OSBPL10: variants seen among roughly 807,000 people sequenced by gnomAD.
OSBPL10 encodes the protein oxysterol-binding protein-related protein 10.
Under a neutral mutation model 81.7 loss-of-function variants are expected in OSBPL10, and 49 were observed. The ratio of observed to expected loss-of-function variants is 0.60; its 90% CI spans 0.48 to 0.76. The LOEUF is 0.76. Among genes scored for constraint, OSBPL10 ranks in the 30% least tolerant of loss-of-function variants. The pLI, the probability that OSBPL10 is intolerant of heterozygous loss-of-function variation, is 0.00. For synonymous variants in OSBPL10, 419 were observed against 383.6 expected, an observed-to-expected ratio of 1.09 and a Z score of -1.08; for missense variants, 923 against 987.8, an observed-to-expected ratio of 0.93 and a Z score of 0.88.
At chr3:31,872,621 GC>G (rs1701359163) in intron 3 of OSBPL10, among the ~76,000 whole-genome samples, 1 of 132,438 alleles carries the variant, frequency 7.6e-6, no homozygotes, top group South Asian at 2.2e-4. Flanking sequence ...AAATTCAAAA[GC>G]TTTTTTTTTT....
chr3:31,748,202 G>T, intron 4 of OSBPL10, 82 bp from the exon 5 acceptor site: 1 of 1,284,438 alleles, frequency 7.8e-7, no homozygotes, highest in Non-Finnish European at 1.1e-6. Context: ...AACCACAGAA[G>T]TGGGTAAAAC....
At chr3:31,708,516 G>A (rs1203206495) in intron 6 of OSBPL10, among the ~76,000 whole-genome samples, 1 of 152,146 alleles carries the variant, frequency 6.6e-6, no homozygotes, top group African/African-American at 2.4e-5. Context: ...GCATAGCCCA[G>A]GGTATATAAA....
chr3:31,778,454 A>G (rs1038971004), intron 4 of OSBPL10, among the ~76,000 whole-genome samples: 2 of 152,188 alleles, frequency 1.3e-5, no homozygotes, highest in Non-Finnish European at 2.9e-5. Flanking sequence ...GAAGAAGTAG[A>G]GGAACTTCAG....
At chr3:32,073,780 T>C (rs914276303) in intron 1 of OSBPL10, among the ~76,000 whole-genome samples, 10 of 152,098 alleles carry the variant, frequency 6.6e-5, no homozygotes, top group Admixed American at 5.2e-4. Flanking sequence ...CCGGTTTACA[T>C]TGTTTCTCCA....
At chr3:31,817,863 A>G (rs9881919) in intron 4 of OSBPL10, among the ~76,000 whole-genome samples, 105,088 of 152,102 alleles carry the variant, frequency 0.69, 36,847 homozygotes, top group East Asian at 0.93. Context: ...CCAACACTTT[A>G]GGAGGCCAAG....
rs181458780 is a variant in OSBPL10 at position 31,826,826 on chromosome 3, A to G, written c.729+3214T>C. Among the ~76,000 whole-genome samples the G allele has an allele frequency of 3.3e-5, 5 of 152,304 alleles. No individual in the cohort carries two copies. In the East Asian group the frequency reaches 9.7e-4, roughly 29 times the overall value. ...ATCACAAAATGACAAATTCCAAAGAACAGCTACTCATCTCCCATCAGGAGT... is the reference window on the plus strand; with the variant it reads ...ATCACAAAATGACAAATTCCAAAGAGCAGCTACTCATCTCCCATCAGGAGT... On this transcript the variant is annotated intron_variant, in intron 4 of 11. Coordinates refer to ENST00000396556, the MANE Select transcript of OSBPL10 (RefSeq NM_017784.5).
rs534805336 is a variant in OSBPL10, at chr3:31,857,855, A to G, written c.537+18578T>C. 1.3e-4 allele frequency among the ~76,000 whole-genome samples: 11 copies of G among 83,864 alleles called. No homozygotes were observed. The South Asian group carries it at 2.9e-3, about 22-fold the overall frequency. 55.0% of individuals were successfully genotyped at this position (83,864 alleles called of 152,430 possible). The stretch of plus-strand genomic sequence containing the variant: ...GGGAGAGGGAAAGAGGGAGGGAAAG[A>G]AGGAGGGAGAGGGAGAGGGAAAGGG... On this transcript the variant is annotated intron_variant, in intron 3 of 11. Coordinates refer to ENST00000396556, the MANE Select transcript of OSBPL10 (RefSeq NM_017784.5).
intron 2 of OSBPL10, among the ~76,000 whole-genome samples, chr3:31,993,644 A>ATACT (rs1310999317): frequency 6.6e-6 from 1 of 151,826 alleles, no homozygotes; most frequent in East Asian, 1.9e-4. Flanking sequence ...CTACAATGAG[A>ATACT]TACTACTACA....
intron 2 of OSBPL10, among the ~76,000 whole-genome samples, chr3:31,988,149 A>C (rs1424218435): frequency 6.6e-6 from 1 of 152,208 alleles, no homozygotes; most frequent in African/African-American, 2.4e-5. Context: ...TTTGAACAAG[A>C]ATATCTGGAG....
chr3:32,073,690 A>T (rs192892868), intron 1 of OSBPL10, among the ~76,000 whole-genome samples: 1 of 152,140 alleles, frequency 6.6e-6, no homozygotes, highest in East Asian at 1.9e-4. Context: ...AAAACTTGTC[A>T]TCCCTTCTAT....
chr3:31,844,533 A>C (rs547698907), intron 3 of OSBPL10, among the ~76,000 whole-genome samples: 1 of 152,344 alleles, frequency 6.6e-6, no homozygotes, highest in African/African-American at 2.4e-5. Flanking sequence ...TATGATAAAG[A>C]ATAAGATGTC....
rs925653154 is a variant in OSBPL10, at chr3:31,957,060, G to A, written c.281+23839C>T. Reference sequence around the variant, plus strand: ...TGAAGTGGGAGGATCACCTGAGCCCGGGAGGCAGAGGGTGCAGTGGGCCAA... The same window carrying A: ...TGAAGTGGGAGGATCACCTGAGCCCAGGAGGCAGAGGGTGCAGTGGGCCAA... On this transcript the variant is annotated intron_variant, in intron 1 of 11. Coordinates refer to ENST00000396556, the MANE Select transcript of OSBPL10 (RefSeq NM_017784.5). Among the ~76,000 whole-genome samples, 137 of 152,242 alleles carry A rather than the reference G, an allele frequency of 9.0e-4. 1 individual carries two copies. Among genetic ancestry groups the A allele is most frequent in the African/African-American group, 2.8e-3 (117 of 41,528 alleles).
intron 3 of OSBPL10, among the ~76,000 whole-genome samples, chr3:31,832,549 CAA>C (rs1044857736): frequency 1.6e-4 from 25 of 152,210 alleles, no homozygotes; most frequent in African/African-American, 5.8e-4. Flanking sequence ...AGGAAGAAAA[CAA>C]AATGTATGAG....
intron 4 of OSBPL10, among the ~76,000 whole-genome samples, chr3:31,770,718 G>A (rs372604751): frequency 4.6e-5 from 7 of 152,088 alleles, no homozygotes; most frequent in African/African-American, 9.7e-5. Context: ...CCCAGGAGGC[G>A]GAGGTTGCGG....
chr3:31,783,823 AATATATATATAT>A (rs60886858), intron 4 of OSBPL10, among the ~76,000 whole-genome samples: 282 of 16,680 alleles, frequency 0.017, 10 homozygotes, highest in Middle Eastern at 0.071. Context: ...AAAAAAAAAA[AATATATATATAT>A]ATATATATAT....
intron 7 of OSBPL10, among the ~76,000 whole-genome samples, chr3:31,698,484 A>T (rs1037494954): frequency 5.4e-5 from 5 of 92,284 alleles, no homozygotes; most frequent in African/African-American, 1.7e-4. Flanking sequence ...CAAAAATACA[A>T]GTAAGGCCAC....
At chr3:31,904,299 G>A (rs187568528) in intron 1 of OSBPL10, among the ~76,000 whole-genome samples, 72 of 152,276 alleles carry the variant, frequency 4.7e-4, no homozygotes, top group Non-Finnish European at 8.4e-4. Context: ...CACCCAGTTG[G>A]CGGATATCAG....
intron 5 of OSBPL10, among the ~76,000 whole-genome samples, chr3:31,744,717 C>G (rs931358239): frequency 1.3e-5 from 2 of 151,546 alleles, no homozygotes; most frequent in Non-Finnish European, 1.5e-5. Flanking sequence ...GTCACCACCT[C>G]TGAAATGCAT....
intron 1 of OSBPL10, among the ~76,000 whole-genome samples, chr3:32,053,014 C>T (rs1699681155): frequency 6.6e-6 from 1 of 152,148 alleles, no homozygotes; most frequent in Non-Finnish European, 1.5e-5. Flanking sequence ...CCAGTAGATT[C>T]TAGGTAAGGC....
Sources: allele counts gnomAD v4.1 joint callset (sites outside exome capture counted in the v4.1 genomes callset), GRCh38; gene constraint gnomAD v4.1.1; transcripts MANE v1.5; gene names NCBI Gene and HGNC (gene_info 2026-07-23, HGNC 2026-07-21).